The following BCAS1 variants were observed in gnomAD, a reference collection of about 807,000 sequenced individuals.
The protein encoded by BCAS1 is breast carcinoma-amplified sequence 1.
Under a neutral mutation model 65.4 loss-of-function variants are expected in BCAS1, and 46 were observed. That is an observed-to-expected ratio of 0.70 (90% confidence interval 0.55 to 0.90). The LOEUF is 0.90. BCAS1 is among the 40% of genes least tolerant of loss of function. The pLI is 0.00. For synonymous variants in BCAS1, 298 were observed against 293.5 expected (o/e 1.02, Z -0.16); for missense variants, 793 against 771.2 (o/e 1.03, Z -0.33).
chr20:53,975,384 C>T lies in BCAS1; in HGVS notation c.1317+5G>A, dbSNP rs1258211664. ...AATGATTCTGCCGTGGTGTGTGTAACTTACATTCTCCTCCGCACCTGTGGG... is the reference window on the plus strand; with the variant it reads ...AATGATTCTGCCGTGGTGTGTGTAATTTACATTCTCCTCCGCACCTGTGGG... On this transcript the variant is annotated splice_donor_5th_base_variant and intron_variant, in intron 9 of 12. Transcript: ENST00000688948. The T allele has an allele frequency of 6.2e-7, 1 of 1,611,386 alleles. No individual in the cohort carries two copies. Among genetic ancestry groups the T allele is most frequent in the Admixed American group, 1.7e-5 (1 of 59,970 alleles).
intron 4 of BCAS1, among the ~76,000 whole-genome samples, chr20:53,999,462 T>C (rs1390069332): frequency 6.6e-6 from 1 of 152,218 alleles, no homozygotes; most frequent in Non-Finnish European, 1.5e-5. Flanking sequence ...TGTTTTTGCC[T>C]AAGTAGCATT....
At chr20:53,946,075 G>A (rs991254474) in intron 12 of BCAS1, among the ~76,000 whole-genome samples, 1 of 151,998 alleles carries the variant, frequency 6.6e-6, no homozygotes, top group Middle Eastern at 3.2e-3. Context: ...TGCCTAGCCT[G>A]AGTACTATTA....
At chr20:53,951,913 G>A (rs147211608) in intron 12 of BCAS1, among the ~76,000 whole-genome samples, 1 of 152,340 alleles carries the variant, frequency 6.6e-6, no homozygotes, top group African/African-American at 2.4e-5. Flanking sequence ...GAGAAGCTAT[G>A]AGTGTGAATG....
intron 12 of BCAS1, among the ~76,000 whole-genome samples, chr20:53,949,270 T>C (rs2089437923): frequency 6.6e-6 from 1 of 152,130 alleles, no homozygotes; most frequent in African/African-American, 2.4e-5. Context: ...GTCCCTTTGC[T>C]CAAAAAGAAA....
intron 9 of BCAS1, among the ~76,000 whole-genome samples, chr20:53,971,840 A>T (rs1017736682): frequency 3.3e-5 from 5 of 152,168 alleles, no homozygotes; most frequent in African/African-American, 1.2e-4. Context: ...AAGGAAAGAA[A>T]TTTTTTTCAT....
intron 3 of BCAS1, among the ~76,000 whole-genome samples, chr20:54,037,411 T>C (rs1890474354): frequency 2.6e-5 from 4 of 151,220 alleles, no homozygotes; most frequent in Admixed American, 2.0e-4. Flanking sequence ...CCTTGACACG[T>C]GGGGATTATG....
chr20:54,042,831 A>G (rs1223193047), intron 3 of BCAS1, among the ~76,000 whole-genome samples: 1 of 152,230 alleles, frequency 6.6e-6, no homozygotes, highest in Non-Finnish European at 1.5e-5. Context: ...TGAACACTTG[A>G]CCTATTTCCC....
rs778283503 is a variant in BCAS1 at position 53,966,902 on chromosome 20, T to C, written c.1485+4A>G. On this transcript the variant is annotated splice_donor_region_variant and intron_variant, in intron 10 of 12. Coordinates refer to ENST00000688948, the MANE Select transcript of BCAS1 (RefSeq NM_001366298.2). ...GTTTCCTATACTGGAAGTAAGGGGC[T>C]TACCATTTGTCTGAGAAACGCCATC... 1 of 1,604,146 alleles carries C rather than the reference T, an allele frequency of 6.2e-7. No homozygotes were observed. The highest frequency in any genetic ancestry group is 8.5e-7 in the Non-Finnish European group (1 of 1,177,000).
chr20:54,034,940 T>C (rs2091870430), intron 3 of BCAS1, among the ~76,000 whole-genome samples: 1 of 151,142 alleles, frequency 6.6e-6, no homozygotes, highest in Non-Finnish European at 1.5e-5. Context: ...AACAGACACA[T>C]AGACCAATGG....
At chr20:54,058,760 T>A (rs773596693) in intron 1 of BCAS1, 37 bp from the exon 2 acceptor site, 1 of 1,604,244 alleles carries the variant, frequency 6.2e-7, no homozygotes, top group Non-Finnish European at 8.5e-7. Context: ...GAGAAAGAAA[T>A]CAAAACCAAA....
rs200263393 is a variant in BCAS1 at position 54,047,141 on chromosome 20, GCTT to G, written c.142+10941_142+10943del. Among the ~76,000 whole-genome samples, 22 of 152,284 alleles carry G rather than the reference GCTT, an allele frequency of 1.4e-4. No individual in the cohort carries two copies. In the East Asian group the frequency reaches 4.2e-3, roughly 29 times the overall value. ...CTGGGTACCTCTCTCTTGCCTCATG[GCTT>G]CTTCATGTGACTAGCTTGGGCTCTC... On this transcript the variant is annotated intron_variant, in intron 3 of 12. Transcript: ENST00000688948.
chr20:54,008,807 G>T (rs1200144664), intron 4 of BCAS1, among the ~76,000 whole-genome samples: 3 of 151,302 alleles, frequency 2.0e-5, no homozygotes, highest in African/African-American at 7.3e-5. Context: ...ATCTAACAAA[G>T]ATTTTTTTTT....
At chr20:53,976,562 A>T (rs150087981) in intron 8 of BCAS1, among the ~76,000 whole-genome samples, 3 of 152,328 alleles carry the variant, frequency 2.0e-5, no homozygotes, top group Non-Finnish European at 2.9e-5. Context: ...TGTGATCCTA[A>T]CTTACAGAGT....
intron 1 of BCAS1, among the ~76,000 whole-genome samples, chr20:54,062,901 T>G (rs1004867854): frequency 4.6e-5 from 7 of 152,224 alleles, no homozygotes; most frequent in African/African-American, 1.7e-4. Flanking sequence ...AAGAACAGGA[T>G]TCATCTGGGT....
intron 8 of BCAS1, among the ~76,000 whole-genome samples, chr20:53,980,865 T>A (rs2090459578): frequency 6.6e-6 from 1 of 152,228 alleles, no homozygotes; most frequent in South Asian, 2.1e-4. Context: ...GAGCCAGGAA[T>A]ATCATTTTTC....
intron 8 of BCAS1, among the ~76,000 whole-genome samples, chr20:53,977,353 T>C (rs10485440): frequency 0.16 from 24,323 of 152,192 alleles, 2,208 homozygotes; most frequent in South Asian, 0.22. Flanking sequence ...GTTAATACCA[T>C]GAACACGTAA....
At chr20:53,961,274 A>G (rs1169101853) in intron 10 of BCAS1, among the ~76,000 whole-genome samples, 1 of 152,220 alleles carries the variant, frequency 6.6e-6, no homozygotes, top group Non-Finnish European at 1.5e-5. Context: ...TTCAAACACA[A>G]TTGACATTTA....
chr20:54,053,256 C>A (rs1176107473), intron 3 of BCAS1, among the ~76,000 whole-genome samples: 3 of 152,032 alleles, frequency 2.0e-5, no homozygotes, highest in Admixed American at 2.0e-4. Flanking sequence ...AATAATAATA[C>A]CAAACTTTTG....
chr20:53,996,223 C>A (rs901054188), intron 4 of BCAS1, among the ~76,000 whole-genome samples, 173 bp from the exon 5 acceptor site: 1 of 152,160 alleles, frequency 6.6e-6, no homozygotes, highest in Non-Finnish European at 1.5e-5. Flanking sequence ...TTCCCTCCCC[C>A]TCTTTCTAAC....
Sources: gnomAD v4.1 joint callset for allele counts (sites outside exome capture counted in the v4.1 genomes callset) on GRCh38, gnomAD v4.1.1 for gene constraint, MANE v1.5 for transcripts, NCBI Gene and HGNC (gene_info 2026-07-23, HGNC 2026-07-21) for gene names.